STX8: variants seen among roughly 807,000 people sequenced by gnomAD.
The protein encoded by STX8 is syntaxin 8, also known as syntaxin-8.
In STX8, 23 loss-of-function variants were observed where a neutral mutation model predicts 37.5. That is an observed-to-expected ratio of 0.61 (90% CI 0.44 to 0.87). STX8 has a LOEUF of 0.87. Ranked by LOEUF, STX8 falls within the 40% of genes least tolerant of loss-of-function variation. STX8 has a pLI of 0.00. For missense variants in STX8, 313 were observed against 284.7 expected (o/e 1.10, Z -0.71); for synonymous variants, 115 against 99.1 (o/e 1.16, Z -0.95).
intron 5 of STX8, among the ~76,000 whole-genome samples, chr17:9,492,238 T>C (rs1906882138): frequency 6.6e-6 from 1 of 152,186 alleles, no homozygotes; most frequent in South Asian, 2.1e-4. Flanking sequence ...AATATCCCAA[T>C]TTTTTAAATC....
At chr17:9,288,147 A>C (rs1206284914) in intron 7 of STX8, among the ~76,000 whole-genome samples, 3 of 148,138 alleles carry the variant, frequency 2.0e-5, no homozygotes, top group Non-Finnish European at 4.5e-5. Flanking sequence ...AAACAAAAAA[A>C]AAAAAAACCA....
At chr17:9,567,211 C>T (rs1907497337) in intron 2 of STX8, among the ~76,000 whole-genome samples, 1 of 152,092 alleles carries the variant, frequency 6.6e-6, no homozygotes, top group Admixed American at 6.6e-5. Context: ...AGGCTTCATA[C>T]CTGGGTGACA....
chr17:9,338,371 A>C (rs977566234), intron 7 of STX8, among the ~76,000 whole-genome samples: 1 of 152,000 alleles, frequency 6.6e-6, no homozygotes, highest in Non-Finnish European at 1.5e-5. Context: ...AGGGTTTTTA[A>C]ACTGAGGAGT....
At chr17:9,323,109 A>G (rs16958135) in intron 7 of STX8, among the ~76,000 whole-genome samples, 12,361 of 152,180 alleles carry the variant, frequency 0.081, 1,615 homozygotes, top group African/African-American at 0.28. Flanking sequence ...AAAAGTAAAG[A>G]GAAGCCCCTT....
intron 6 of STX8, among the ~76,000 whole-genome samples, chr17:9,489,780 C>T (rs1354234290): frequency 6.8e-6 from 1 of 146,782 alleles, no homozygotes; most frequent in Non-Finnish European, 1.5e-5. Flanking sequence ...CGTCTGCCTC[C>T]CAGGTTGAAG....
Position 9,565,880 on chromosome 17 carries a change from A to C in STX8, c.117+2491T>G, listed in dbSNP as rs1043680898. 2.0e-5 allele frequency among the ~76,000 whole-genome samples: 3 copies of C among 152,208 alleles called. No individual in the cohort carries two copies. The East Asian group carries it at 5.8e-4, about 29-fold the overall frequency. Reference sequence around the variant, plus strand: ...CCTGGAAGACAACCTAGGCAATACTATTCTGGACATAAGAACAGGCAAAGA... The same window carrying C: ...CCTGGAAGACAACCTAGGCAATACTCTTCTGGACATAAGAACAGGCAAAGA... On this transcript the variant is annotated intron_variant, in intron 2 of 7. Coordinates refer to ENST00000306357, the MANE Select transcript of STX8 (RefSeq NM_004853.3).
chr17:9,405,736 C>G (rs1181196025), intron 6 of STX8, among the ~76,000 whole-genome samples: 3 of 152,188 alleles, frequency 2.0e-5, no homozygotes, highest in Non-Finnish European at 4.4e-5. Flanking sequence ...TATACTTTCT[C>G]CTTGATAATT....
rs144338197 is a variant in STX8 at position 9,476,856 on chromosome 17, T to C, written c.541+14973A>G. On this transcript the variant is annotated intron_variant, in intron 6 of 7. Coordinates refer to ENST00000306357, the MANE Select transcript of STX8 (RefSeq NM_004853.3). The stretch of plus-strand genomic sequence containing the variant: ...TGTGTCCCACGTGCCTCTTTTTCTT[T>C]TTTTTGTGAGACAGGGTCTCACTCT... 5.4e-3 allele frequency among the ~76,000 whole-genome samples: 827 copies of C among 151,988 alleles called. 8 individuals carry two copies. Among genetic ancestry groups the C allele is most frequent in the African/African-American group, 0.019 (802 of 41,438 alleles).
chr17:9,387,621 C>T (rs1006472736), intron 6 of STX8, among the ~76,000 whole-genome samples: 1 of 152,148 alleles, frequency 6.6e-6, no homozygotes, highest in Non-Finnish European at 1.5e-5. Flanking sequence ...TGATCTGTGC[C>T]TCATTCTCTA....
intron 7 of STX8, among the ~76,000 whole-genome samples, chr17:9,322,871 ATGT>A (rs1286782856): frequency 6.7e-6 from 1 of 150,092 alleles, no homozygotes; most frequent in Non-Finnish European, 1.5e-5. Context: ...AGTTGAAGAA[ATGT>A]TAGTTGTATT....
intron 7 of STX8, among the ~76,000 whole-genome samples, chr17:9,257,230 C>T (rs1413984468): frequency 1.3e-5 from 2 of 152,146 alleles, no homozygotes; most frequent in Admixed American, 6.5e-5. Context: ...ACAAGTCCAG[C>T]TCATGGCAAT....
At chr17:9,281,958 C>G (rs995124477) in intron 7 of STX8, among the ~76,000 whole-genome samples, 26 of 152,138 alleles carry the variant, frequency 1.7e-4, no homozygotes, top group African/African-American at 6.3e-4. Flanking sequence ...GGTCTAGCAT[C>G]GACAGCTGCT....
intron 6 of STX8, among the ~76,000 whole-genome samples, chr17:9,463,479 T>A (rs1353232319): frequency 6.6e-6 from 1 of 152,144 alleles, no homozygotes; most frequent in Non-Finnish European, 1.5e-5. Flanking sequence ...CCATTCAAAG[T>A]CAAATATTTA....
In STX8 at chr17:9,362,754, G is replaced by A. The variant is rs1035705866; in HGVS notation, c.643+15798C>T. 4.6e-5 allele frequency among the ~76,000 whole-genome samples: 7 copies of A among 151,124 alleles called. No homozygotes were observed. In the East Asian group the frequency reaches 5.8e-4, roughly 13 times the overall value. Reference sequence around the variant, plus strand: ...GGAGAATGGCGTGAACTCAGGAGGCGGAGCTTGCAGTGAGCTGAGATTGTG... The same window carrying A: ...GGAGAATGGCGTGAACTCAGGAGGCAGAGCTTGCAGTGAGCTGAGATTGTG... On this transcript the variant is annotated intron_variant, in intron 7 of 7. Coordinates refer to ENST00000306357, the MANE Select transcript of STX8 (RefSeq NM_004853.3).
At chr17:9,519,498 T>C (rs894195064) in intron 4 of STX8, among the ~76,000 whole-genome samples, 4 of 152,126 alleles carry the variant, frequency 2.6e-5, no homozygotes, top group Non-Finnish European at 1.5e-5. Flanking sequence ...TCACCTCTCA[T>C]GTACAACATG....
intron 4 of STX8, among the ~76,000 whole-genome samples, chr17:9,537,292 G>C (rs539826306): frequency 2.0e-5 from 3 of 152,350 alleles, no homozygotes; most frequent in Non-Finnish European, 4.4e-5. Context: ...CGCCCTCAGA[G>C]CTAGGTTGGA....
intron 6 of STX8, among the ~76,000 whole-genome samples, chr17:9,391,932 G>A (rs539317645): frequency 8.5e-5 from 13 of 152,100 alleles, no homozygotes; most frequent in African/African-American, 1.4e-4. Flanking sequence ...GTGCATACAC[G>A]GAGCTGACCC....
At chr17:9,551,678 A>C (rs1906763423) in intron 3 of STX8, among the ~76,000 whole-genome samples, 1 of 152,198 alleles carries the variant, frequency 6.6e-6, no homozygotes, top group South Asian at 2.1e-4. Context: ...ATTTTCTTCA[A>C]CTTGTACAAT....
At chr17:9,306,445 C>T (rs1224901001) in intron 7 of STX8, among the ~76,000 whole-genome samples, 1 of 151,752 alleles carries the variant, frequency 6.6e-6, no homozygotes, top group Non-Finnish European at 1.5e-5. Flanking sequence ...GAAGTAAATA[C>T]TCAAAATAAA....
Sources: gnomAD v4.1 joint callset for allele counts (sites outside exome capture counted in the v4.1 genomes callset) on GRCh38, gnomAD v4.1.1 for gene constraint, MANE v1.5 for transcripts, NCBI Gene and HGNC (gene_info 2026-07-23, HGNC 2026-07-21) for gene names.